Variants in VIT observed in about 807,000 individuals in gnomAD.
VIT encodes the protein vitrin.
VIT carries 99 observed loss-of-function variants against 78.0 expected under a neutral mutation model. The ratio of observed to expected loss-of-function variants is 1.27; its 90% CI spans 1.08 to 1.50. VIT has a LOEUF of 1.50. VIT is among the 40% of genes most tolerant of loss of function. The pLI, the probability that VIT is intolerant of heterozygous loss-of-function variation, is 0.00. For synonymous variants in VIT, 374 were observed against 334.3 expected, an observed-to-expected ratio of 1.12 and a Z score of -1.29; for missense variants, 1,126 against 875.3, an observed-to-expected ratio of 1.29 and a Z score of -3.61.
intron 1 of VIT, among the ~76,000 whole-genome samples, chr2:36,708,148 G>A (rs13403956): frequency 0.22 from 30,018 of 138,438 alleles, 3,453 homozygotes; most frequent in Admixed American, 0.39. Context: ...TCCTTTTCCC[G>A]TCCTCACCAG....
chr2:36,729,230 G>A (rs1297636932), intron 2 of VIT, among the ~76,000 whole-genome samples, 196 bp from the exon 3 acceptor site: 3 of 152,092 alleles, frequency 2.0e-5, no homozygotes, highest in East Asian at 1.9e-4. Flanking sequence ...CTACAATATC[G>A]GCACAATGAT....
At chr2:36,744,634 G>A (rs1176610718) in intron 4 of VIT, among the ~76,000 whole-genome samples, 2 of 152,186 alleles carry the variant, frequency 1.3e-5, no homozygotes, top group African/African-American at 2.4e-5. Flanking sequence ...TTTGAGAAAT[G>A]TCTGTTTGTG....
chr2:36,764,734 T>A (rs1669317289), intron 6 of VIT, among the ~76,000 whole-genome samples: 1 of 152,138 alleles, frequency 6.6e-6, no homozygotes, highest in Admixed American at 6.5e-5. Context: ...GTGCTGTGAT[T>A]CCTGCAAAAG....
chr2:36,732,399 GCA>G (rs1464170522), intron 3 of VIT, among the ~76,000 whole-genome samples: 1 of 152,080 alleles, frequency 6.6e-6, no homozygotes, highest in Non-Finnish European at 1.5e-5. Context: ...AGAAACTCTA[GCA>G]CAATTATTAA....
intron 3 of VIT, among the ~76,000 whole-genome samples, chr2:36,738,231 C>G (rs1349835394): frequency 1.3e-5 from 2 of 152,210 alleles, no homozygotes; most frequent in Non-Finnish European, 2.9e-5. Flanking sequence ...TGCAGTTTAA[C>G]TTCTTCCCTT....
intron 11 of VIT, among the ~76,000 whole-genome samples, chr2:36,784,171 T>C (rs1355580301): frequency 1.3e-5 from 2 of 151,814 alleles, no homozygotes; most frequent in Non-Finnish European, 2.9e-5. Flanking sequence ...ACAAGGAAAA[T>C]GAGAAAGACA....
At chr2:36,785,204 G>A (rs1270754357) in intron 11 of VIT, among the ~76,000 whole-genome samples, 1 of 152,208 alleles carries the variant, frequency 6.6e-6, no homozygotes, top group Non-Finnish European at 1.5e-5. Flanking sequence ...ACATCTGGAA[G>A]GGAAACTCCA....
At chr2:36,771,079 A>G (rs574156128) in intron 7 of VIT, among the ~76,000 whole-genome samples, 1 of 152,358 alleles carries the variant, frequency 6.6e-6, no homozygotes, top group African/African-American at 2.4e-5. Context: ...GTGAAAGCTT[A>G]TCTTCCTTAA....
chr2:36,697,441 G>T (rs573843684), intron 1 of VIT, among the ~76,000 whole-genome samples: 1 of 152,226 alleles, frequency 6.6e-6, no homozygotes, highest in Non-Finnish European at 1.5e-5. Context: ...ATTTCGTGTG[G>T]ATCTCTACTT....
intron 5 of VIT, among the ~76,000 whole-genome samples, chr2:36,755,896 C>G (rs1026482628): frequency 6.6e-6 from 1 of 150,702 alleles, no homozygotes; most frequent in Non-Finnish European, 1.5e-5. Flanking sequence ...CTGAGATTGC[C>G]CAGTGGGAGC....
intron 1 of VIT, among the ~76,000 whole-genome samples, chr2:36,704,907 T>G (rs1310755277): frequency 6.6e-6 from 1 of 152,146 alleles, no homozygotes; most frequent in African/African-American, 2.4e-5. Flanking sequence ...TTGCTGTGCT[T>G]CAGAATTGAA....
At chr2:36,780,272 A>G (rs1322618599) in intron 9 of VIT, among the ~76,000 whole-genome samples, 1 of 152,228 alleles carries the variant, frequency 6.6e-6, no homozygotes, top group Non-Finnish European at 1.5e-5. Flanking sequence ...TGATAAAGTA[A>G]TAGAGCACCC....
chr2:36,718,419 A>G (rs1334471687), intron 2 of VIT, among the ~76,000 whole-genome samples: 2 of 152,068 alleles, frequency 1.3e-5, no homozygotes, highest in East Asian at 1.9e-4. Context: ...CAACTTGCCA[A>G]TTTTGTCAAG....
At chr2:36,787,396 C>CCTG in intron 12 of VIT, 120 bp downstream of exon 12, 2 of 1,323,056 alleles carry the variant, frequency 1.5e-6, no homozygotes, top group Non-Finnish European at 1.0e-6. Context: ...CAGATTTGTT[C>CCTG]TCTTCCCTAA....
At chr2:36,767,015 C>T in intron 6 of VIT, 79 bp from the exon 7 acceptor site, 1 of 1,401,160 alleles carries the variant, frequency 7.1e-7, no homozygotes, top group East Asian at 2.7e-5. Context: ...AGTGTTCAAT[C>T]AACATTTATT....
intron 1 of VIT, among the ~76,000 whole-genome samples, chr2:36,707,174 G>C (rs555495147): frequency 1.3e-5 from 2 of 152,326 alleles, no homozygotes; most frequent in East Asian, 1.9e-4. Context: ...TGCCAGCCAA[G>C]TGAAAGGGAA....
intron 2 of VIT, among the ~76,000 whole-genome samples, chr2:36,726,646 C>G (rs943699217): frequency 1.4e-4 from 22 of 151,948 alleles, no homozygotes; most frequent in African/African-American, 5.3e-4. Flanking sequence ...GGAGAAAACC[C>G]CATCTCTACT....
chr2:36,756,630 C>T (rs965449354), intron 5 of VIT, among the ~76,000 whole-genome samples: 2 of 152,186 alleles, frequency 1.3e-5, no homozygotes, highest in African/African-American at 2.4e-5. Flanking sequence ...AAATTCTACA[C>T]GCCCACAGTT....
chr2:36,759,240 A>T (rs554586034), intron 6 of VIT, 194 bp downstream of exon 6: 1 of 1,514,666 alleles, frequency 6.6e-7, no homozygotes, highest in African/African-American at 1.4e-5. Context: ...TGAAAGCTTT[A>T]TTTTTTGTTT....
Sources: gnomAD v4.1 joint callset for allele counts (sites outside exome capture counted in the v4.1 genomes callset) on GRCh38, gnomAD v4.1.1 for gene constraint, MANE v1.5 for transcripts, NCBI Gene and HGNC (gene_info 2026-07-23, HGNC 2026-07-21) for gene names.